Variants in CES5A observed in about 807,000 individuals in gnomAD.
CES5A encodes the protein carboxylesterase 5.
In CES5A, 67 loss-of-function variants were observed where a neutral mutation model predicts 62.9. The ratio of observed to expected loss-of-function variants is 1.07; its 90% CI spans 0.88 to 1.31. The LOEUF (loss-of-function observed/expected upper bound fraction) is 1.31, where lower values mean the gene tolerates loss of function less well. CES5A is among the 50% of genes most tolerant of loss of function. The pLI, the probability that CES5A is intolerant of heterozygous loss-of-function variation, is 0.00. For synonymous variants in CES5A, 296 were observed against 280.8 expected (o/e 1.05, Z -0.54); for missense variants, 748 against 708.5 (o/e 1.06, Z -0.63).
chr16:55,871,890 G>T (rs559093225), intron 2 of CES5A, 127 bp from the exon 3 acceptor site: 3 of 925,510 alleles, frequency 3.2e-6, no homozygotes, highest in Admixed American at 2.4e-5. Context: ...GCAGCTACCG[G>T]TACAAAGTCC....
chr16:55,949,053 G>C lies in CES5A; in HGVS notation c.160+732C>G, dbSNP rs539418093. On this transcript the variant is annotated intron_variant, in intron 2 of 13. Coordinates refer to the CES5A transcript ENST00000521992. The stretch of plus-strand genomic sequence containing the variant: ...CCCCAATCCCAGGGCAGGTTTAAAG[G>C]TTTCTGTAGCCAAATATAGCCACAA... Among the ~76,000 whole-genome samples, 6 of 152,266 alleles carry C rather than the reference G, an allele frequency of 3.9e-5. No homozygotes were observed. In the East Asian group the frequency reaches 1.2e-3, roughly 29 times the overall value.
At chr16:55,865,714 G>T (rs1261924775) in intron 5 of CES5A, among the ~76,000 whole-genome samples, 1 of 152,132 alleles carries the variant, frequency 6.6e-6, no homozygotes, top group African/African-American at 2.4e-5. Context: ...AAATATAAGG[G>T]ATTTTTCCTC....
At chr16:55,953,625 TG>T (rs1369510457) in intron 1 of CES5A, among the ~76,000 whole-genome samples, 6 of 152,154 alleles carry the variant, frequency 3.9e-5, no homozygotes, top group Non-Finnish European at 8.8e-5. Flanking sequence ...AGAGTTAGGA[TG>T]TGAAGGGAAA....
At chr16:55,884,773 G>A (rs1954992734) in intron 1 of CES5A, among the ~76,000 whole-genome samples, 1 of 151,994 alleles carries the variant, frequency 6.6e-6, no homozygotes, top group African/African-American at 2.4e-5. Context: ...TAAATTTTGT[G>A]TAGAGACAGT....
chr16:55,892,351 T>TA (rs2033889012), intron 1 of CES5A, among the ~76,000 whole-genome samples: 1 of 152,174 alleles, frequency 6.6e-6, no homozygotes, highest in Admixed American at 6.5e-5. Flanking sequence ...CATGCCTCCC[T>TA]AAAATGCATA....
intron 2 of CES5A, 93 bp from the exon 3 acceptor site, chr16:55,871,856 G>GTC: frequency 7.4e-7 from 1 of 1,354,328 alleles, no homozygotes; most frequent in Non-Finnish European, 1.0e-6. Flanking sequence ...AGGCCTGGCC[G>GTC]TCTCCTCTGC....
chr16:55,856,313 T>C, intron 9 of CES5A, 64 bp downstream of exon 9: 1 of 1,477,698 alleles, frequency 6.8e-7, no homozygotes, highest in Non-Finnish European at 9.5e-7. Context: ...CTGCTGAGTG[T>C]GACCTAGGGC....
At chr16:55,908,522 G>A (rs568408533) in intron 1 of CES5A, among the ~76,000 whole-genome samples, 49 of 152,178 alleles carry the variant, frequency 3.2e-4, no homozygotes, top group East Asian at 5.8e-4. Context: ...CACCATGCCC[G>A]GCTAATTTTG....
chr16:55,881,422 G>A (rs1255753312), intron 1 of CES5A, among the ~76,000 whole-genome samples: 2 of 152,170 alleles, frequency 1.3e-5, no homozygotes, highest in Non-Finnish European at 2.9e-5. Context: ...CTGAGGGGTG[G>A]AGCAGAAGGT....
chr16:55,900,398 G>A (rs1307914882), intron 1 of CES5A, among the ~76,000 whole-genome samples: 1 of 152,174 alleles, frequency 6.6e-6, no homozygotes, highest in Admixed American at 6.5e-5. Flanking sequence ...AGACAGAAGA[G>A]GCATGTGAGG....
At chr16:55,955,069 T>C (rs2034594763) in intron 1 of CES5A, among the ~76,000 whole-genome samples, 1 of 152,210 alleles carries the variant, frequency 6.6e-6, no homozygotes, top group Non-Finnish European at 1.5e-5. Context: ...TAGACATCCC[T>C]GATCCTCCTC....
intron 1 of CES5A, among the ~76,000 whole-genome samples, chr16:55,921,392 G>A (rs1004762812): frequency 1.3e-5 from 2 of 151,850 alleles, no homozygotes; most frequent in African/African-American, 2.4e-5. Context: ...TTACACAAAG[G>A]AGCCTCAATT....
At chr16:55,928,109 G>A (rs2034276676), upstream of CES5A, among the ~76,000 whole-genome samples, 1 of 152,140 alleles carries the variant, frequency 6.6e-6, no homozygotes, top group Non-Finnish European at 1.5e-5. Context: ...TGGGCGTGGT[G>A]GCAGGTGCCT....
intron 1 of CES5A, among the ~76,000 whole-genome samples, chr16:55,891,786 C>G (rs1380477243): frequency 1.3e-5 from 2 of 152,172 alleles, no homozygotes; most frequent in African/African-American, 2.4e-5. Flanking sequence ...ACCCTACAAA[C>G]CATAAATTCT....
chr16:55,917,303 T>C (rs1320911370), intron 1 of CES5A, among the ~76,000 whole-genome samples: 1 of 152,248 alleles, frequency 6.6e-6, no homozygotes, highest in Non-Finnish European at 1.5e-5. Context: ...CTAAATTTAG[T>C]GGTTTAAAAC....
intron 1 of CES5A, among the ~76,000 whole-genome samples, chr16:55,916,096 G>A (rs1387496464): frequency 6.6e-6 from 1 of 152,140 alleles, no homozygotes; most frequent in East Asian, 1.9e-4. Flanking sequence ...GGCAAGCCAG[G>A]GATTCTACTT....
chr16:55,919,506 T>G (rs543421076), intron 1 of CES5A, among the ~76,000 whole-genome samples: 1 of 152,314 alleles, frequency 6.6e-6, no homozygotes, highest in South Asian at 2.1e-4. Flanking sequence ...TGGACTCTTT[T>G]GCTCCTACGA....
At chr16:55,944,994 T>A (rs1286150042) in intron 2 of CES5A, among the ~76,000 whole-genome samples, 2 of 152,256 alleles carry the variant, frequency 1.3e-5, no homozygotes, top group African/African-American at 4.8e-5. Flanking sequence ...ACTTGCTATA[T>A]GCGTGATTTG....
intron 10 of CES5A, among the ~76,000 whole-genome samples, chr16:55,850,023 A>C (rs542018252): frequency 6.6e-6 from 1 of 152,346 alleles, no homozygotes; most frequent in South Asian, 2.1e-4. Context: ...ATATTCAGCC[A>C]AGATCTACTT....
Sources: gnomAD v4.1 joint callset for allele counts (sites outside exome capture counted in the v4.1 genomes callset) on GRCh38, gnomAD v4.1.1 for gene constraint, MANE v1.5 for transcripts, NCBI Gene and HGNC (gene_info 2026-07-23, HGNC 2026-07-21) for gene names.